Variants in ANGPTL1 observed in about 807,000 individuals in gnomAD.
ANGPTL1 encodes the protein angiopoietin like 1, also known as angiopoietin-related protein 1.
ANGPTL1 carries 36 observed loss-of-function variants against 46.7 expected under a neutral mutation model. The observed-to-expected ratio is 0.77, with a 90% CI of 0.59 to 1.02. ANGPTL1 has a LOEUF of 1.02. Ranked by LOEUF, ANGPTL1 falls within the 50% of genes least tolerant of loss-of-function variation. The pLI is 0.00. For synonymous variants in ANGPTL1, 221 were observed against 204.3 expected, an observed-to-expected ratio of 1.08 and a Z score of -0.69; for missense variants, 571 against 594.7, an observed-to-expected ratio of 0.96 and a Z score of 0.41.
chr1:178,859,735 G>A (rs1657839903), intron 3 of ANGPTL1, among the ~76,000 whole-genome samples: 1 of 102,034 alleles, frequency 9.8e-6, no homozygotes, highest in Non-Finnish European at 1.8e-5. Flanking sequence ...GTCTCGCTCT[G>A]TCGCCAGGCT....
rs767092542 is a variant in ANGPTL1, at chr1:178,865,224, G to C, written c.553C>G (p.Leu185Val). 5 of 1,614,000 alleles carry C rather than the reference G, an allele frequency of 3.1e-6. No homozygotes were observed. Among genetic ancestry groups the C allele is most frequent in the Non-Finnish European group, 4.2e-6 (5 of 1,180,000 alleles). ...LEVKYASLTD[L>V]VNNQSVMITL... ...ATCATCACAGATTGGTTATTGACAA[G>C]ATCAGTCAAGGAAGCGTATTTCACC... The change falls in exon 3 of 6, where the codon CTT (leucine) becomes GTT (valine). Residue 185 changes from leucine to valine, a missense_variant. Physicochemically the swap from Leu to Val is conservative, Grantham distance 32. Coordinates refer to ENST00000234816, the MANE Select transcript of ANGPTL1 (RefSeq NM_004673.4).
Position 178,865,963 on chromosome 1 carries a change from A to G in ANGPTL1, c.-26-161T>C, listed in dbSNP as rs563909607. Among the ~76,000 whole-genome samples, 6 of 152,338 alleles carry G rather than the reference A, an allele frequency of 3.9e-5. No homozygotes were observed. The South Asian group carries it at 1.2e-3, about 32-fold the overall frequency. ...ACTTTATTAATTTCTTAAATTTAAT[A>G]TTAAGTTGTAATACTTTGGCATTTG... On this transcript the variant is annotated intron_variant, in intron 2 of 5. Coordinates refer to ENST00000234816, the MANE Select transcript of ANGPTL1 (RefSeq NM_004673.4).
chr1:178,853,366 G>C (rs1558150590), intron 4 of ANGPTL1, among the ~76,000 whole-genome samples: 1 of 152,146 alleles, frequency 6.6e-6, no homozygotes, highest in East Asian at 1.9e-4. Flanking sequence ...AAGTCATCCA[G>C]ACTGAAAGGG....
chr1:178,870,074 TTG>T (rs1171241888), intron 1 of ANGPTL1, among the ~76,000 whole-genome samples: 1 of 152,134 alleles, frequency 6.6e-6, no homozygotes, highest in African/African-American at 2.4e-5. Context: ...GTGATTCCAT[TTG>T]TAGCAAGTTT....
intron 3 of ANGPTL1, among the ~76,000 whole-genome samples, chr1:178,862,632 TGG>T (rs1264068538): frequency 1.4e-4 from 21 of 148,200 alleles, no homozygotes; most frequent in Admixed American, 4.6e-4. Flanking sequence ...TTTATTTATT[TGG>T]TTGGTTGGTT....
chr1:178,861,583 A>G (rs910197976), intron 3 of ANGPTL1, among the ~76,000 whole-genome samples: 4 of 152,116 alleles, frequency 2.6e-5, no homozygotes, highest in African/African-American at 9.7e-5. Flanking sequence ...AGAATTGGTT[A>G]TACCATCCAC....
Position 178,865,927 on chromosome 1 carries a change from G to A in ANGPTL1, c.-26-125C>T, listed in dbSNP as rs1049809044. 2.0e-5 allele frequency: 11 copies of A among 550,848 alleles called. No individual in the cohort carries two copies. The South Asian group carries it at 2.4e-4, about 12-fold the overall frequency. The allele number at this position is 550,848 out of a possible 1,614,324, so 34.1% of individuals were successfully genotyped here. A position where few individuals can be genotyped will look rare whatever the true frequency, so the allele number is the denominator to read the frequency against. On this transcript the variant is annotated intron_variant, in intron 2 of 5. Coordinates refer to ENST00000234816, the MANE Select transcript of ANGPTL1 (RefSeq NM_004673.4). Reference sequence around the variant, plus strand: ...AATATTTATTGGTGTTAATAGATTAGGCTAGAATTAACTTTATTAATTTCT... The same window carrying A: ...AATATTTATTGGTGTTAATAGATTAAGCTAGAATTAACTTTATTAATTTCT...
chr1:178,856,198 G>T (rs371837673), intron 3 of ANGPTL1, among the ~76,000 whole-genome samples: 880 of 46,586 alleles, frequency 0.019, 3 homozygotes, highest in African/African-American at 0.024. Context: ...TCCAGAGAGA[G>T]AGAGATATAT....
rs1167939724 is a variant in ANGPTL1 at position 178,865,763 on chromosome 1, G to T, written c.14C>A (p.Thr5Asn). The change falls in exon 3 of 6, where the codon ACC becomes AAC. Residue 5 changes from threonine (T) to asparagine (N), a missense_variant. Thr to Asn is a moderately conservative substitution (Grantham distance 65). Coordinates refer to ENST00000234816, the MANE Select transcript of ANGPTL1 (RefSeq NM_004673.4). MKTFTWTLGVLFFLL... is the reference protein window; with the variant it reads MKTFNWTLGVLFFLL... Reference sequence around the variant, plus strand: ...GAAGAATAGCACACCTAGGGTCCAGGTAAAAGTCTTCATTTTGAAATGAGG... The same window carrying T: ...GAAGAATAGCACACCTAGGGTCCAGTTAAAAGTCTTCATTTTGAAATGAGG... 6.3e-7 allele frequency: 1 copy of T among 1,582,116 alleles called. No homozygotes were observed.
intron 3 of ANGPTL1, among the ~76,000 whole-genome samples, chr1:178,856,303 C>T (rs946044919): frequency 5.5e-5 from 8 of 145,050 alleles, no homozygotes; most frequent in African/African-American, 1.8e-4. Context: ...TCATAGCTCA[C>T]CACAGCCTCG....
At position 178,865,801 on chromosome 1, in the gene ANGPTL1, G is replaced by A. The variant is rs918375801; in HGVS notation, c.-25C>T. 6.6e-7 allele frequency: 1 copy of A among 1,520,158 alleles called. No individual in the cohort carries two copies. The allele number at this position is 1,520,158 out of a possible 1,614,324, so 94.2% of individuals were successfully genotyped here. On this transcript the variant is annotated splice_region_variant and 5_prime_UTR_variant, in exon 3 of 6. Transcript: ENST00000234816. ...TTTTGAAATGAGGTTGTAAAATGAT[G>A]TCTTTTGAAAAACAAATCAGTGAAG... is the stretch of plus-strand genomic sequence containing the variant.
chr1:178,857,403 G>C (rs1436079274), intron 3 of ANGPTL1, among the ~76,000 whole-genome samples: 1 of 152,118 alleles, frequency 6.6e-6, no homozygotes, highest in Non-Finnish European at 1.5e-5. Flanking sequence ...ACTGTTTTAG[G>C]CTCAAGGGAT....
chr1:178,852,271 T>C (rs1657221653), intron 5 of ANGPTL1, among the ~76,000 whole-genome samples: 1 of 152,186 alleles, frequency 6.6e-6, no homozygotes, highest in Non-Finnish European at 1.5e-5. Context: ...AGAGTACTTA[T>C]TCCCACCTAA....
rs778800398 is a variant in ANGPTL1 at position 178,865,094 on chromosome 1, T to C, written c.683A>G (p.Gln228Arg). The change falls in exon 3 of 6, where the codon CAG becomes CGG. Residue 228 changes from glutamine to arginine, a missense_variant. Gln to Arg is a conservative substitution (Grantham distance 43). Transcript: ENST00000234816. ...VVPQHIPNSQ[Q>R]YTPGLLGGNE... ...ACCTCCCAGCAGACCAGGAGTATAC[T>C]GTTGGCTGTTAGGAATATGTTGTGG... The C allele has an allele frequency of 7.7e-6, 12 of 1,562,584 alleles. No individual in the cohort carries two copies. In the East Asian group the frequency reaches 2.7e-4, roughly 35 times the overall value.
chr1:178,860,686 C>A (rs1657942415), intron 3 of ANGPTL1, among the ~76,000 whole-genome samples: 1 of 152,208 alleles, frequency 6.6e-6, no homozygotes, highest in Non-Finnish European at 1.5e-5. Context: ...AGTAGAGTCT[C>A]ATACAGTGTT....
intron 3 of ANGPTL1, among the ~76,000 whole-genome samples, chr1:178,855,684 A>G (rs1054902612): frequency 1.3e-5 from 2 of 151,772 alleles, no homozygotes; most frequent in African/African-American, 4.8e-5. Context: ...TTATAAACAT[A>G]TTTTCCTTTA....
Position 178,865,071 on chromosome 1 carries a change from C to G in ANGPTL1, c.706G>C (p.Gly236Arg). The change falls in exon 3 of 6, where the codon GGT becomes CGT. Residue 236 changes from glycine to arginine, a missense_variant. Physicochemically the swap from Gly to Arg is moderately radical, Grantham distance 125. Coordinates refer to ENST00000234816, the MANE Select transcript of ANGPTL1 (RefSeq NM_004673.4). ...SQQYTPGLLG[G>R]NEIQRDPGYP... ...CCTGGATCCCTCTGAATCTCGTTAC[C>G]TCCCAGCAGACCAGGAGTATACTGT... 3 of 1,524,696 alleles carry G rather than the reference C, an allele frequency of 2.0e-6. No individual in the cohort carries two copies. Among genetic ancestry groups the G allele is most frequent in the Non-Finnish European group, 2.6e-6 (3 of 1,135,902 alleles). 94.4% of individuals were successfully genotyped at this position (1,524,696 alleles called of 1,614,324 possible).
intron 3 of ANGPTL1, among the ~76,000 whole-genome samples, chr1:178,856,202 G>GAGAGAGAGATATATATATATATAT (rs1428022812): frequency 2.4e-5 from 2 of 83,912 alleles, no homozygotes; most frequent in African/African-American, 1.3e-4. Context: ...GAGAGAGAGA[G>GAGAGAGAGATATATATATATATAT]ATATATATAT....
intron 2 of ANGPTL1, among the ~76,000 whole-genome samples, chr1:178,868,239 A>G (rs538068640): frequency 7.9e-5 from 12 of 152,060 alleles, no homozygotes; most frequent in Admixed American, 7.9e-4. Context: ...AAACCAATAA[A>G]ACATTTATTA....
Sources: allele counts gnomAD v4.1 joint callset (sites outside exome capture counted in the v4.1 genomes callset), GRCh38; gene constraint gnomAD v4.1.1; transcripts MANE v1.5; gene names NCBI Gene and HGNC (gene_info 2026-07-23, HGNC 2026-07-21).